Variants in CTNNA2 observed in about 807,000 individuals in gnomAD.
CTNNA2 encodes the protein catenin alpha-2.
CTNNA2 carries 42 observed loss-of-function variants against 101.0 expected under a neutral mutation model. That is an observed-to-expected ratio of 0.42 (90% CI 0.32 to 0.54). The LOEUF (loss-of-function observed/expected upper bound fraction) is 0.54. CTNNA2 is among the 20% of genes least tolerant of loss of function. The pLI, the probability that CTNNA2 is intolerant of heterozygous loss-of-function variation, is 0.14. For synonymous variants in CTNNA2, 450 were observed against 456.4 expected (o/e 0.99, Z 0.18); for missense variants, 871 against 1,223.1 (o/e 0.71, Z 4.29).
chr2:79,565,767 C>G (rs1330117174), intron 1 of CTNNA2, among the ~76,000 whole-genome samples: 1 of 151,848 alleles, frequency 6.6e-6, no homozygotes, highest in Non-Finnish European at 1.5e-5. Context: ...ATGTGAGGTT[C>G]TTGAAAGCTT....
intron 7 of CTNNA2, among the ~76,000 whole-genome samples, chr2:80,116,025 T>G (rs1203596568): frequency 2.0e-5 from 3 of 151,220 alleles, no homozygotes; most frequent in Non-Finnish European, 4.4e-5. Context: ...GTAAAGAATG[T>G]CTTATGGTAT....
chr2:79,191,319 ATACACTG>A (rs1178752628), intron 1 of CTNNA2, among the ~76,000 whole-genome samples: 1 of 152,238 alleles, frequency 6.6e-6, no homozygotes, highest in African/African-American at 2.4e-5. Context: ...ATGTGTCTCC[ATACACTG>A]TAATGGCATA....
chr2:80,176,214 A>G lies in CTNNA2; in HGVS notation c.1057-216997A>G, dbSNP rs544847746. Reference sequence around the variant, plus strand: ...TTCAAATAAAGACAATAATAAGGTCATAATTATGCCTAACATAATATAGCT... The same window carrying G: ...TTCAAATAAAGACAATAATAAGGTCGTAATTATGCCTAACATAATATAGCT... On this transcript the variant is annotated intron_variant, in intron 7 of 18. Transcript: ENST00000402739. Among the ~76,000 whole-genome samples the G allele has an allele frequency of 6.6e-5, 10 of 152,386 alleles. No individual in the cohort carries two copies. In the South Asian group the frequency reaches 1.9e-3, roughly 28 times the overall value.
At chr2:80,099,656 G>C (rs1191951686) in intron 7 of CTNNA2, among the ~76,000 whole-genome samples, 1 of 151,434 alleles carries the variant, frequency 6.6e-6, no homozygotes, top group Admixed American at 6.6e-5. Flanking sequence ...TTGCAGATCA[G>C]TTTAGAGAAT....
At chr2:79,430,962 G>T (rs142468675) in intron 4 of CTNNA2, among the ~76,000 whole-genome samples, 1 of 151,946 alleles carries the variant, frequency 6.6e-6, no homozygotes, top group African/African-American at 2.4e-5. Flanking sequence ...TTTATCATTC[G>T]TGTAAAGACT....
intron 1 of CTNNA2, among the ~76,000 whole-genome samples, chr2:79,186,421 C>G (rs1673779629): frequency 6.6e-6 from 1 of 152,130 alleles, no homozygotes; most frequent in African/African-American, 2.4e-5. Context: ...CATGGTATAC[C>G]AGAATGTCTG....
At chr2:79,884,552 A>G (rs986591332) in intron 6 of CTNNA2, among the ~76,000 whole-genome samples, 4 of 152,080 alleles carry the variant, frequency 2.6e-5, no homozygotes, top group East Asian at 3.9e-4. Context: ...CTTTCTTTCT[A>G]TTACCACTAA....
At chr2:79,680,922 C>T (rs561129560) in intron 2 of CTNNA2, among the ~76,000 whole-genome samples, 2 of 152,278 alleles carry the variant, frequency 1.3e-5, no homozygotes, top group East Asian at 3.9e-4. Context: ...ACCTTAGCCA[C>T]CGTGGAACTT....
chr2:79,773,241 T>C (rs1482861199), intron 3 of CTNNA2, among the ~76,000 whole-genome samples: 1 of 152,188 alleles, frequency 6.6e-6, no homozygotes, highest in Non-Finnish European at 1.5e-5. Flanking sequence ...GATGGTATTG[T>C]CAATCAAGAA....
intron 4 of CTNNA2, among the ~76,000 whole-genome samples, chr2:79,483,560 CCCTTGTACA>C (rs138746027): frequency 0.018 from 2,707 of 152,246 alleles, 85 homozygotes; most frequent in African/African-American, 0.062. Flanking sequence ...GGCCTCATCT[CCCTTGTACA>C]CATTTACCCG....
In CTNNA2 at chr2:79,810,683, C is replaced by G. The variant is rs562429496; in HGVS notation, c.299-47330C>G. ...CTAATGCTATACCTCCCCCCTCCCC[C>G]CACTCCACAACAGGCCCTGGTGTGT... On this transcript the variant is annotated intron_variant, in intron 3 of 18. Transcript: ENST00000402739. Among the ~76,000 whole-genome samples the G allele has an allele frequency of 5.3e-5, 8 of 151,594 alleles. No individual in the cohort carries two copies. In the East Asian group the frequency reaches 1.4e-3, roughly 26 times the overall value.
intron 9 of CTNNA2, among the ~76,000 whole-genome samples, chr2:80,458,491 A>G (rs144032271): frequency 9.2e-5 from 14 of 152,360 alleles, no homozygotes; most frequent in African/African-American, 3.4e-4. Context: ...TTGACATACT[A>G]CAAAATACGT....
At chr2:79,754,609 T>G (rs1423759610) in intron 3 of CTNNA2, among the ~76,000 whole-genome samples, 1 of 151,994 alleles carries the variant, frequency 6.6e-6, no homozygotes, top group African/African-American at 2.4e-5. Flanking sequence ...TTGCGGGAGG[T>G]GGGCAGGATT....
At chr2:80,631,493 T>C (rs1367000088) in intron 18 of CTNNA2, among the ~76,000 whole-genome samples, 1 of 152,068 alleles carries the variant, frequency 6.6e-6, no homozygotes, top group Non-Finnish European at 1.5e-5. Flanking sequence ...CAATATGTTG[T>C]CCATCCATGG....
chr2:79,809,160 G>A (rs1676810881), intron 3 of CTNNA2, among the ~76,000 whole-genome samples: 1 of 152,186 alleles, frequency 6.6e-6, no homozygotes, highest in South Asian at 2.1e-4. Flanking sequence ...TGGTGGATAT[G>A]TGCCACATTT....
At chr2:79,479,861 C>T (rs148688787) in intron 4 of CTNNA2, among the ~76,000 whole-genome samples, 2,693 of 151,592 alleles carry the variant, frequency 0.018, 86 homozygotes, top group African/African-American at 0.062. Context: ...AGATGGAGGT[C>T]GCAGTGAGCT....
intron 7 of CTNNA2, among the ~76,000 whole-genome samples, chr2:80,320,750 T>C (rs1484906305): frequency 6.6e-6 from 1 of 152,246 alleles, no homozygotes; most frequent in East Asian, 1.9e-4. Context: ...TTTATGTATA[T>C]ATTTTAAAAA....
intron 7 of CTNNA2, among the ~76,000 whole-genome samples, chr2:79,940,797 A>G (rs995996916): frequency 6.6e-6 from 1 of 152,252 alleles, no homozygotes; most frequent in African/African-American, 2.4e-5. Context: ...TACAGAGCCT[A>G]TTTTATAACA....
chr2:80,580,388 A>C (rs760481008), intron 13 of CTNNA2, among the ~76,000 whole-genome samples: 1 of 152,130 alleles, frequency 6.6e-6, no homozygotes, highest in Non-Finnish European at 1.5e-5. Context: ...TTTTTAAGCA[A>C]TTTTATAACT....
Sources: gnomAD v4.1 joint callset for allele counts (sites outside exome capture counted in the v4.1 genomes callset) on GRCh38, gnomAD v4.1.1 for gene constraint, MANE v1.5 for transcripts, NCBI Gene and HGNC (gene_info 2026-07-23, HGNC 2026-07-21) for gene names.